RPL4: variants seen among roughly 807,000 people sequenced by gnomAD.
RPL4 encodes the protein ribosomal protein L4, also known as large ribosomal subunit protein uL4.
A neutral mutation model predicts 47.7 loss-of-function variants in RPL4; 3 were observed. The ratio of observed to expected loss-of-function variants is 0.06; its 90% CI spans 0.03 to 0.16. RPL4 has a LOEUF of 0.16. Among genes scored for constraint, RPL4 ranks in the 10% least tolerant of loss-of-function variants. RPL4 has a pLI of 1.00. For missense variants in RPL4, 413 were observed against 551.3 expected, an observed-to-expected ratio of 0.75 and a Z score of 2.51; for synonymous variants, 208 against 182.1, an observed-to-expected ratio of 1.14 and a Z score of -1.15.
rs371921600 is a variant in RPL4, at chr15:66,500,906, C to A, written c.833+43G>T. 7.6e-6 allele frequency: 12 copies of A among 1,578,562 alleles called. No individual in the cohort carries two copies. In the Admixed American group the frequency reaches 1.3e-4, roughly 17 times the overall value. On this transcript the variant is annotated intron_variant, in intron 7 of 9. Coordinates refer to ENST00000307961, the MANE Select transcript of RPL4 (RefSeq NM_000968.4). ...GTAAGCCAATTCTGAATGTTAATAT[C>A]CACAATATAAACATCTGTGCTTAGT...
intron 6 of RPL4, 87 bp from the exon 7 acceptor site, chr15:66,501,192 A>G (rs1325880761): frequency 6.4e-7 from 1 of 1,572,730 alleles, no homozygotes; most frequent in African/African-American, 1.4e-5. Context: ...TATAAAAGGT[A>G]CCTGAGAACT....
chr15:66,501,687 C>T, intron 5 of RPL4, 101 bp downstream of exon 5: 1 of 1,536,136 alleles, frequency 6.5e-7, no homozygotes. Flanking sequence ...CTTGTTCTCT[C>T]ACACATTAAG....
chr15:66,504,243 A>T (rs971295658), intron 1 of RPL4, among the ~76,000 whole-genome samples: 14 of 152,076 alleles, frequency 9.2e-5, no homozygotes, highest in African/African-American at 3.4e-4. Context: ...GAATATTACT[A>T]CGTATTTAGT....
At chr15:66,503,772 C>A (rs1324634656) in intron 1 of RPL4, among the ~76,000 whole-genome samples, 2 of 152,110 alleles carry the variant, frequency 1.3e-5, no homozygotes, top group Non-Finnish European at 2.9e-5. Context: ...TTATAAAGCA[C>A]AATAGCTAAA....
At chr15:66,502,912 G>A in intron 3 of RPL4, 146 bp downstream of exon 3, 1 of 1,304,164 alleles carries the variant, frequency 7.7e-7, no homozygotes, top group African/African-American at 1.4e-5. Flanking sequence ...ATCATTGCAA[G>A]CAAAATAACC....
At chr15:66,503,552 T>C (rs753498930) in intron 1 of RPL4, 23 bp from the exon 2 acceptor site, 1 of 1,571,034 alleles carries the variant, frequency 6.4e-7, no homozygotes, top group African/African-American at 1.4e-5. Context: ...ACAAGGATTA[T>C]TTTTATTGAC....
chr15:66,500,639 G>A lies in RPL4; in HGVS notation c.834-263C>T, dbSNP rs78521229. On this transcript the variant is annotated intron_variant, in intron 7 of 9. Transcript: ENST00000307961. ...TAAAACCCCAACTCTACAATTAGCC[G>A]GGTGTGGTGGCACAAGCCTGTAGTC... The A allele has an allele frequency of 1.9e-3, 1,019 of 541,508 alleles. 9 individuals carry two copies. The highest frequency in any genetic ancestry group is 0.017 in the African/African-American group (918 of 52,628). The allele number at this position is 541,508 out of a possible 1,614,324, so 33.5% of individuals were successfully genotyped here. A position where few individuals can be genotyped will look rare whatever the true frequency, so the allele number is the denominator to read the frequency against.
rs922021894 is a variant in RPL4, at chr15:66,499,192, T to A, written c.*215A>T. The A allele has an allele frequency of 1.9e-6, 1 of 530,436 alleles. No homozygotes were observed. The highest frequency in any genetic ancestry group is 2.7e-5 in the South Asian group (1 of 37,538). 32.9% of individuals were successfully genotyped at this position (530,436 alleles called of 1,614,324 possible). A position where few individuals can be genotyped will look rare whatever the true frequency, so the allele number is the denominator to read the frequency against. On this transcript the variant is annotated 3_prime_UTR_variant, in exon 10 of 10. Transcript: ENST00000307961. The stretch of plus-strand genomic sequence containing the variant: ...ATCATTCCCCTTCCACTGAACTCCA[T>A]GGACTTAGTATAAATCCATGCCCCA...
At chr15:66,502,304 G>T (rs1364246134) in intron 4 of RPL4, 1 of 388,122 alleles carries the variant, frequency 2.6e-6, no homozygotes, top group Non-Finnish European at 4.7e-6. Flanking sequence ...TTTAACAAAG[G>T]TTCACGTGAA....
Position 66,499,314 on chromosome 15 carries a change from G to A in RPL4, c.*93C>T. ...AACCAAGCTTTACAGAGCACACCAA[G>A]TCATGTTTCTCACTGCCTGTATAAT... On this transcript the variant is annotated 3_prime_UTR_variant, in exon 10 of 10. Coordinates refer to ENST00000307961, the MANE Select transcript of RPL4 (RefSeq NM_000968.4). 3 of 1,470,630 alleles carry A rather than the reference G, an allele frequency of 2.0e-6. No individual in the cohort carries two copies. Among genetic ancestry groups the A allele is most frequent in the Non-Finnish European group, 2.7e-6 (3 of 1,094,228 alleles). 91.1% of individuals were successfully genotyped at this position (1,470,630 alleles called of 1,614,324 possible).
At chr15:66,501,207 A>G (rs1371576967) in intron 6 of RPL4, 102 bp from the exon 7 acceptor site, 1 of 1,557,562 alleles carries the variant, frequency 6.4e-7, no homozygotes, top group Non-Finnish European at 8.9e-7. Context: ...AGAACTTATT[A>G]ATTATGAAGT....
At chr15:66,499,828 AG>A in intron 9 of RPL4, 176 bp from the exon 10 acceptor site, 1 of 957,308 alleles carries the variant, frequency 1.0e-6, no homozygotes, top group African/African-American at 1.7e-5. Context: ...GTTTGAGACC[AG>A]CCTAACAATA....
intron 4 of RPL4, chr15:66,502,411 T>C (rs1893638949): frequency 1.7e-6 from 1 of 596,674 alleles, no homozygotes. Flanking sequence ...GTACATTTGA[T>C]AACTGAATGC....
At position 66,502,893 on chromosome 15, in the gene RPL4, A is replaced by T. The variant is rs749281351; in HGVS notation, c.283-143T>A. The stretch of plus-strand genomic sequence containing the variant: ...GTCGCTGAGAACAGAGTAAGACGCA[A>T]ATTACGACATCATTGCAAGCAAAAT... On this transcript the variant is annotated intron_variant, in intron 3 of 9. Coordinates refer to ENST00000307961, the MANE Select transcript of RPL4 (RefSeq NM_000968.4). 5.8e-6 allele frequency: 8 copies of T among 1,382,230 alleles called. No homozygotes were observed. The Admixed American group carries it at 1.3e-4, about 23-fold the overall frequency. The allele number at this position is 1,382,230 out of a possible 1,614,324, so 85.6% of individuals were successfully genotyped here.
rs745624853 is a variant in RPL4 at position 66,503,044 on chromosome 15, G to A, written c.282+14C>T. 36 of 1,608,228 alleles carry A rather than the reference G, an allele frequency of 2.2e-5. No individual in the cohort carries two copies. Among genetic ancestry groups the A allele is most frequent in the Non-Finnish European group, 2.9e-5 (34 of 1,175,748 alleles). On this transcript the variant is annotated intron_variant, in intron 3 of 9. Transcript: ENST00000307961. ...TCAGAGATGACCAGTCTTAGGTAGT[G>A]AAACAAAGGATACGTTTCCAAAAGC...
At position 66,502,964 on chromosome 15, in the gene RPL4, A is replaced by C; in HGVS notation, c.282+94T>G. 4 of 1,367,678 alleles carry C rather than the reference A, an allele frequency of 2.9e-6. No homozygotes were observed. In the South Asian group the frequency reaches 4.7e-5, roughly 16 times the overall value. 84.7% of individuals were successfully genotyped at this position (1,367,678 alleles called of 1,614,324 possible). A position where few individuals can be genotyped will look rare whatever the true frequency, so the allele number is the denominator to read the frequency against. ...CCTTCTCTTCAAGACAAAAAAAAGT[A>C]ATATTTTTACACCGTATTATCATCA... On this transcript the variant is annotated intron_variant, in intron 3 of 9. Transcript: ENST00000307961.
intron 7 of RPL4, 161 bp from the exon 8 acceptor site, chr15:66,500,537 T>C (rs1031888190): frequency 4.5e-6 from 3 of 665,920 alleles, no homozygotes; most frequent in Non-Finnish European, 7.7e-6. Context: ...CTCACCCCTA[T>C]AATCCCAGCA....
intron 1 of RPL4, among the ~76,000 whole-genome samples, chr15:66,504,039 A>G (rs574114284): frequency 1.3e-5 from 2 of 152,216 alleles, no homozygotes; most frequent in East Asian, 1.9e-4. Flanking sequence ...TTCTGATCTC[A>G]ACTCCCATAC....
At chr15:66,501,538 G>A (rs754128575) in intron 5 of RPL4, 34 bp from the exon 6 acceptor site, 2 of 1,611,624 alleles carry the variant, frequency 1.2e-6, no homozygotes, top group Non-Finnish European at 1.7e-6. Flanking sequence ...TTCTGATTAA[G>A]ATAGAATCTC....
Sources: gnomAD v4.1 joint callset for allele counts (sites outside exome capture counted in the v4.1 genomes callset) on GRCh38, gnomAD v4.1.1 for gene constraint, MANE v1.5 for transcripts, NCBI Gene and HGNC (gene_info 2026-07-23, HGNC 2026-07-21) for gene names.